ZNF654: variants seen among roughly 807,000 people sequenced by gnomAD.
ZNF654 encodes the protein melanoma-associated antigen.
A neutral mutation model predicts 95.3 loss-of-function variants in ZNF654; 19 were observed. The ratio of observed to expected loss-of-function variants is 0.20; its 90% CI spans 0.14 to 0.29. The LOEUF (loss-of-function observed/expected upper bound fraction) is 0.29, where lower values mean the gene tolerates loss of function less well. Among genes scored for constraint, ZNF654 ranks in the 10% least tolerant of loss-of-function variants. ZNF654 has a pLI of 1.00. For synonymous variants in ZNF654, 413 were observed against 457.9 expected (o/e 0.90, Z 1.25); for missense variants, 1,046 against 1,341.0 (o/e 0.78, Z 3.44).
chr3:88,095,978 CT>C, intron 2 of ZNF654: 1 of 264,666 alleles, frequency 3.8e-6, no homozygotes, highest in Non-Finnish European at 7.2e-6. Flanking sequence ...CCGTGTTGCA[CT>C]GTTCTACCTG....
chr3:88,069,125 C>T (rs1259318655), intron 1 of ZNF654, among the ~76,000 whole-genome samples: 1 of 111,560 alleles, frequency 9.0e-6, no homozygotes, highest in Non-Finnish European at 2.0e-5. Context: ...AGTTCCCCAT[C>T]AGAAGTGATT....
At chr3:88,086,227 A>T in intron 1 of ZNF654, 30 bp from the exon 2 acceptor site, 2 of 1,507,978 alleles carry the variant, frequency 1.3e-6, no homozygotes, top group Non-Finnish European at 1.8e-6. Context: ...AACTTTTTCT[A>T]TAGTAATGTC....
chr3:88,093,375 C>T (rs1260445923), intron 2 of ZNF654, among the ~76,000 whole-genome samples: 2 of 152,138 alleles, frequency 1.3e-5, no homozygotes, highest in African/African-American at 2.4e-5. Flanking sequence ...TTTTACCCAA[C>T]AGAAAGTAAA....
At chr3:88,088,895 C>T (rs1708487476) in intron 2 of ZNF654, among the ~76,000 whole-genome samples, 1 of 151,646 alleles carries the variant, frequency 6.6e-6, no homozygotes, top group Non-Finnish European at 1.5e-5. Context: ...GCCTCAGCCT[C>T]CCGAGTAGCT....
chr3:88,119,909 T>C (rs1705667376), intron 3 of ZNF654, among the ~76,000 whole-genome samples: 1 of 152,220 alleles, frequency 6.6e-6, no homozygotes, highest in African/African-American at 2.4e-5. Context: ...TAGTTATGAT[T>C]GGCTTCCTCT....
At chr3:88,094,708 A>C (rs981601752) in intron 2 of ZNF654, among the ~76,000 whole-genome samples, 2 of 152,142 alleles carry the variant, frequency 1.3e-5, no homozygotes, top group African/African-American at 4.8e-5. Flanking sequence ...TGAATGGTGT[A>C]AGTACATTTG....
At chr3:88,115,531 T>G (rs1705338234) in intron 3 of ZNF654, among the ~76,000 whole-genome samples, 1 of 152,194 alleles carries the variant, frequency 6.6e-6, no homozygotes, top group South Asian at 2.1e-4. Flanking sequence ...TTCTCAAGTC[T>G]TACTACTTGG....
intron 3 of ZNF654, among the ~76,000 whole-genome samples, chr3:88,117,926 C>T (rs1438772594): frequency 7.4e-6 from 1 of 135,890 alleles, no homozygotes; most frequent in Non-Finnish European, 1.6e-5. Flanking sequence ...CTTACCAGTA[C>T]TATTGCCCAA....
intron 1 of ZNF654, among the ~76,000 whole-genome samples, chr3:88,081,271 A>G (rs892837451): frequency 1.3e-5 from 2 of 152,100 alleles, no homozygotes; most frequent in Non-Finnish European, 2.9e-5. Context: ...GGTGATATTT[A>G]CCTTGATGGC....
At chr3:88,061,010 T>TAAA (rs1218698510) in intron 1 of ZNF654, among the ~76,000 whole-genome samples, 2 of 152,146 alleles carry the variant, frequency 1.3e-5, no homozygotes, top group African/African-American at 4.8e-5. Flanking sequence ...GAAAATGTAT[T>TAAA]TTTATTTTGA....
intron 1 of ZNF654, among the ~76,000 whole-genome samples, chr3:88,071,245 C>A (rs968271545): frequency 6.6e-6 from 1 of 152,084 alleles, no homozygotes. Flanking sequence ...AGTGGTGGCT[C>A]GCGGCTGTAA....
chr3:88,074,499 G>A (rs1482736494), intron 1 of ZNF654, among the ~76,000 whole-genome samples: 1 of 151,960 alleles, frequency 6.6e-6, no homozygotes, highest in Non-Finnish European at 1.5e-5. Context: ...CTGCCTCCAT[G>A]CCTGGCTAAT....
At chr3:88,126,389 T>C (rs1172050729) in intron 4 of ZNF654, 120 bp downstream of exon 4, 2 of 1,085,062 alleles carry the variant, frequency 1.8e-6, no homozygotes, top group East Asian at 3.0e-5. Flanking sequence ...ATGGGAGTGA[T>C]GTATTTTCAC....
intron 1 of ZNF654, among the ~76,000 whole-genome samples, chr3:88,076,035 G>A (rs1267889131): frequency 6.6e-6 from 1 of 152,168 alleles, no homozygotes; most frequent in African/African-American, 2.4e-5. Flanking sequence ...ATGGCACAAT[G>A]CCATACTGTA....
chr3:88,116,191 CAG>C (rs1242563309), intron 3 of ZNF654, among the ~76,000 whole-genome samples: 1 of 152,008 alleles, frequency 6.6e-6, no homozygotes, highest in African/African-American at 2.4e-5. Context: ...GCCTAAAGGA[CAG>C]AAATCCTGAG....
intron 4 of ZNF654, 88 bp downstream of exon 4, chr3:88,126,357 C>T: frequency 1.6e-6 from 2 of 1,259,600 alleles, no homozygotes; most frequent in African/African-American, 1.5e-5. Context: ...AGTAATTTTT[C>T]TTCATTTTAT....
intron 2 of ZNF654, among the ~76,000 whole-genome samples, chr3:88,097,467 C>A (rs1327664808): frequency 2.6e-5 from 4 of 152,040 alleles, no homozygotes; most frequent in Non-Finnish European, 4.4e-5. Context: ...GAACTCAGCT[C>A]TGCACCAAGC....
intron 3 of ZNF654, among the ~76,000 whole-genome samples, chr3:88,122,717 A>G (rs1188531216): frequency 6.6e-6 from 1 of 152,162 alleles, no homozygotes. Flanking sequence ...CTAGAAAAAT[A>G]CAATATGTAT....
intron 1 of ZNF654, among the ~76,000 whole-genome samples, chr3:88,067,015 G>C (rs1425739603): frequency 1.3e-5 from 2 of 152,130 alleles, no homozygotes; most frequent in Non-Finnish European, 2.9e-5. Flanking sequence ...CTAAAGTCTA[G>C]TACATTAACA....
Sources: allele counts gnomAD v4.1 joint callset (sites outside exome capture counted in the v4.1 genomes callset), GRCh38; gene constraint gnomAD v4.1.1; transcripts MANE v1.5; gene names NCBI Gene and HGNC (gene_info 2026-07-23, HGNC 2026-07-21).